EIF3E: variants seen among roughly 807,000 people sequenced by gnomAD.
EIF3E encodes the protein eukaryotic translation initiation factor 3 subunit E.
A neutral mutation model predicts 59.3 loss-of-function variants in EIF3E; 25 were observed. The ratio of observed to expected loss-of-function variants is 0.42; its 90% CI spans 0.31 to 0.59. The LOEUF is 0.59. Among genes scored for constraint, EIF3E ranks in the 20% least tolerant of loss-of-function variants. The pLI is 0.15. For synonymous variants in EIF3E, 176 were observed against 170.2 expected (o/e 1.03, Z -0.26); for missense variants, 317 against 534.3 (o/e 0.59, Z 4.01).
chr8:108,235,131 T>A (rs751701808), intron 4 of EIF3E, 29 bp from the exon 5 acceptor site: 1 of 1,410,284 alleles, frequency 7.1e-7, no homozygotes, highest in Non-Finnish European at 9.6e-7. Flanking sequence ...GATTAAGTTC[T>A]CTTTAATTTA....
rs190843991 is a variant in EIF3E, at chr8:108,224,178, C to T, written c.722+4089G>A. Among the ~76,000 whole-genome samples the T allele has an allele frequency of 3.5e-3, 529 of 151,180 alleles. 18 individuals are homozygous for T. Among genetic ancestry groups the T allele is most frequent in the Admixed American group, 0.029 (434 of 15,226 alleles). On this transcript the variant is annotated intron_variant, in intron 7 of 12. Transcript: ENST00000220849. ...CAGAGCTTGAAGTGAGCCGAGATTGCGCCACTGCACTTCAGCCTGGGCGAC... is the reference window on the plus strand; with the variant it reads ...CAGAGCTTGAAGTGAGCCGAGATTGTGCCACTGCACTTCAGCCTGGGCGAC...
At chr8:108,248,186 G>A (rs543187011) in intron 1 of EIF3E, among the ~76,000 whole-genome samples, 2 of 152,180 alleles carry the variant, frequency 1.3e-5, no homozygotes, top group South Asian at 4.2e-4. Flanking sequence ...CAAAAGACTC[G>A]ACATGCAAAA....
At chr8:108,248,562 T>A in intron 1 of EIF3E, 51 bp downstream of exon 1, 1 of 1,594,342 alleles carries the variant, frequency 6.3e-7, no homozygotes, top group Non-Finnish European at 8.6e-7. Context: ...TCGGCCTTGC[T>A]CAGCACCTCA....
At chr8:108,241,761 G>T in intron 2 of EIF3E, 38 bp downstream of exon 2, 1 of 1,292,970 alleles carries the variant, frequency 7.7e-7, no homozygotes, top group Non-Finnish European at 1.1e-6. Flanking sequence ...ACATCCTCAA[G>T]TCACAAGACA....
chr8:108,203,024 T>C lies in EIF3E; in HGVS notation c.1258A>G (p.Met420Val), dbSNP rs1815022254. ...TGATTAAGTTTCTTCTCAATATTCA[T>C]GGCCAACATCTGGCTTCTAAAGGAA... Reference protein sequence around the residue: ...SLSFRSQMLAMNIEKKLNQNS... With the variant: ...SLSFRSQMLAVNIEKKLNQNS... The change falls in exon 12 of 13, where the codon ATG becomes GTG. Residue 420 changes from methionine to valine, a missense_variant. Met to Val is a conservative substitution (Grantham distance 21, BLOSUM62 1). This residue lies in a region of EIF3E where 45 missense variants were observed against 97.8 expected (regional missense o/e 0.46). Coordinates refer to ENST00000220849, the MANE Select transcript of EIF3E (RefSeq NM_001568.3). 6 of 1,612,710 alleles carry C rather than the reference T, an allele frequency of 3.7e-6. No homozygotes were observed. In the African/African-American group the frequency reaches 5.3e-5, roughly 14 times the overall value.
chr8:108,204,620 T>C (rs1426129372), intron 10 of EIF3E, among the ~76,000 whole-genome samples: 2 of 151,692 alleles, frequency 1.3e-5, no homozygotes, highest in African/African-American at 2.4e-5. Context: ...AGAGCATCAG[T>C]AATAAGTATA....
chr8:108,204,970 G>A lies in EIF3E; in HGVS notation c.1062-1467C>T, dbSNP rs533934600. On this transcript the variant is annotated intron_variant, in intron 10 of 12. Coordinates refer to ENST00000220849, the MANE Select transcript of EIF3E (RefSeq NM_001568.3). ...ATTTATCAGAATTAAAAACACACCAGTCTTAGTAAATAGGTTAAGTCAGTT... is the reference window on the plus strand; with the variant it reads ...ATTTATCAGAATTAAAAACACACCAATCTTAGTAAATAGGTTAAGTCAGTT... Among the ~76,000 whole-genome samples, 3 of 152,142 alleles carry A rather than the reference G, an allele frequency of 2.0e-5. No homozygotes were observed. In the South Asian group the frequency reaches 6.2e-4, roughly 32 times the overall value.
intron 10 of EIF3E, among the ~76,000 whole-genome samples, chr8:108,212,240 T>C (rs79951184): frequency 0.02 from 2,992 of 152,264 alleles, 101 homozygotes; most frequent in African/African-American, 0.066. Context: ...TATACACATA[T>C]ATAAATACAT....
At chr8:108,213,024 T>C (rs1815241278) in intron 10 of EIF3E, among the ~76,000 whole-genome samples, 1 of 151,662 alleles carries the variant, frequency 6.6e-6, no homozygotes, top group South Asian at 2.1e-4. Context: ...AAGGAAGTAA[T>C]AAAAATCTAC....
intron 9 of EIF3E, 53 bp from the exon 10 acceptor site, chr8:108,214,769 A>C: frequency 6.9e-7 from 1 of 1,451,814 alleles, no homozygotes; most frequent in Non-Finnish European, 9.5e-7. Flanking sequence ...AATTGCCTGA[A>C]ACGTGAATCA....
intron 4 of EIF3E, among the ~76,000 whole-genome samples, chr8:108,235,676 G>A (rs1177460518): frequency 6.6e-6 from 1 of 152,178 alleles, no homozygotes; most frequent in East Asian, 1.9e-4. Context: ...AGCTTACGAT[G>A]TTTCTTTATT....
intron 5 of EIF3E, chr8:108,231,913 T>C (rs188326050): frequency 1.3e-5 from 2 of 151,718 alleles, no homozygotes; most frequent in East Asian, 3.9e-4. Flanking sequence ...TGACCTACAA[T>C]AGGTCATTTG....
At chr8:108,211,177 C>T (rs1029116234) in intron 10 of EIF3E, among the ~76,000 whole-genome samples, 2 of 152,208 alleles carry the variant, frequency 1.3e-5, no homozygotes, top group African/African-American at 4.8e-5. Context: ...ACCACACTGT[C>T]TTCCACAATG....
Position 108,201,616 on chromosome 8 carries a change from G to T in EIF3E, c.*269C>A. On this transcript the variant is annotated 3_prime_UTR_variant, in exon 13 of 13. Transcript: ENST00000220849. Reference sequence around the variant, plus strand: ...TAGTAAGACAAAGTGAAAAAATTGAGGGAAACAGGGTTCAGCCTACAGGGA... The same window carrying T: ...TAGTAAGACAAAGTGAAAAAATTGATGGAAACAGGGTTCAGCCTACAGGGA... The T allele has an allele frequency of 4.0e-6, 1 of 247,616 alleles. No homozygotes were observed. The highest frequency in any genetic ancestry group is 2.2e-5 in the African/African-American group (1 of 44,484). 15.3% of individuals were successfully genotyped at this position (247,616 alleles called of 1,614,324 possible). A position where few individuals can be genotyped will look rare whatever the true frequency, so the allele number is the denominator to read the frequency against.
At chr8:108,245,512 C>T (rs748854225) in intron 1 of EIF3E, among the ~76,000 whole-genome samples, 1 of 152,136 alleles carries the variant, frequency 6.6e-6, no homozygotes, top group African/African-American at 2.4e-5. Flanking sequence ...CCCAGAAGAG[C>T]GTAGTGTTTT....
At chr8:108,225,360 C>T (rs1815498831) in intron 7 of EIF3E, among the ~76,000 whole-genome samples, 2 of 151,506 alleles carry the variant, frequency 1.3e-5, no homozygotes. Flanking sequence ...TAGTGATGTT[C>T]ATGAATGTGG....
chr8:108,230,712 A>C (rs570668389), intron 5 of EIF3E, among the ~76,000 whole-genome samples: 1 of 152,314 alleles, frequency 6.6e-6, no homozygotes, highest in Admixed American at 6.5e-5. Context: ...CAACTTGTAC[A>C]TGCATATTCA....
rs1459771596 is a variant in EIF3E at position 108,216,510 on chromosome 8, A to C, written c.853T>G (p.Ser285Ala). ...KDLVKVIQQE[S>A]YTYKDPITEF... ...GTAATTGGGTCTTTATATGTGTAAG[A>C]CTCCTGTAAAAATAAGTCAACGGTC... The change falls in exon 9 of 13, where the codon TCT (serine) becomes GCT (alanine). Residue 285 changes from serine (S) to alanine (A), a missense_variant. Ser to Ala is a moderately conservative substitution (Grantham distance 99). Around this residue, in one of 4 missense-constraint regions of EIF3E, gnomAD observed 242 missense variants for 398.0 expected, o/e 0.61. Coordinates refer to ENST00000220849, the MANE Select transcript of EIF3E (RefSeq NM_001568.3). The C allele has an allele frequency of 1.9e-6, 3 of 1,594,312 alleles. No individual in the cohort carries two copies. The highest frequency in any genetic ancestry group is 4.5e-5 in the East Asian group (2 of 44,218).
Position 108,211,997 on chromosome 8 carries a change from A to G in EIF3E, c.1061+2610T>C, listed in dbSNP as rs192532000. Among the ~76,000 whole-genome samples the G allele has an allele frequency of 3.4e-3, 519 of 152,342 alleles. 11 individuals are homozygous for G. The highest frequency in any genetic ancestry group is 2.3e-3 in the East Asian group (12 of 5,192). ...AAAAATATAAATTGTTCACAATATA[A>G]AAGAACTTACAGTGAGGTACAGTAC... On this transcript the variant is annotated intron_variant, in intron 10 of 12. Transcript: ENST00000220849.
Sources: allele counts gnomAD v4.1 joint callset (sites outside exome capture counted in the v4.1 genomes callset), GRCh38; gene constraint gnomAD v4.1.1; regional missense constraint gnomAD v4.1.1; transcripts MANE v1.5; gene names NCBI Gene and HGNC (gene_info 2026-07-23, HGNC 2026-07-21).